NALF1: variants seen among roughly 807,000 people sequenced by gnomAD.
The protein encoded by NALF1 is NALCN channel auxiliary factor 1.
A neutral mutation model predicts 48.4 loss-of-function variants in NALF1; 3 were observed. That is an observed-to-expected ratio of 0.06 (90% CI 0.03 to 0.16). The LOEUF (loss-of-function observed/expected upper bound fraction) is 0.16, where lower values mean the gene tolerates loss of function less well. Among genes scored for constraint, NALF1 ranks in the 10% least tolerant of loss-of-function variants. The pLI is 1.00. For synonymous variants in NALF1, 262 were observed against 245.7 expected, an observed-to-expected ratio of 1.07 and a Z score of -0.62; for missense variants, 526 against 571.5, an observed-to-expected ratio of 0.92 and a Z score of 0.81.
chr13:107,447,716 G>T (rs1884673662), intron 1 of NALF1, among the ~76,000 whole-genome samples: 1 of 152,158 alleles, frequency 6.6e-6, no homozygotes, highest in African/African-American at 2.4e-5. Context: ...CTTCTGTCCA[G>T]CTAATTCCGT....
At chr13:107,406,714 T>C (rs1413298099) in intron 1 of NALF1, among the ~76,000 whole-genome samples, 1 of 151,952 alleles carries the variant, frequency 6.6e-6, no homozygotes, top group Non-Finnish European at 1.5e-5. Context: ...TATTCATTTC[T>C]ATTTTGATAG....
intron 2 of NALF1, among the ~76,000 whole-genome samples, chr13:107,205,932 G>A (rs1418229234): frequency 6.6e-6 from 1 of 152,034 alleles, no homozygotes; most frequent in Non-Finnish European, 1.5e-5. Flanking sequence ...GGAGTGTGGA[G>A]AGGGAAGCCC....
intron 1 of NALF1, among the ~76,000 whole-genome samples, chr13:107,477,705 AT>A (rs1279989153): frequency 6.6e-6 from 1 of 151,886 alleles, no homozygotes; most frequent in East Asian, 1.9e-4. Flanking sequence ...TTTTAAAATA[AT>A]TTTTAAGAGC....
At chr13:107,218,567 T>C (rs767065891) in intron 1 of NALF1, among the ~76,000 whole-genome samples, 15 of 152,066 alleles carry the variant, frequency 9.9e-5, no homozygotes, top group Non-Finnish European at 5.9e-5. Context: ...TAAGAATCCC[T>C]TTTCATATGA....
chr13:107,672,453 G>A (rs1383653312), intron 1 of NALF1, among the ~76,000 whole-genome samples: 1 of 152,064 alleles, frequency 6.6e-6, no homozygotes, highest in African/African-American at 2.4e-5. Context: ...TGAAAACACA[G>A]TCCTAATATC....
intron 1 of NALF1, among the ~76,000 whole-genome samples, chr13:107,674,873 C>A (rs1259050959): frequency 6.6e-6 from 1 of 152,082 alleles, no homozygotes; most frequent in Non-Finnish European, 1.5e-5. Context: ...CTTTTTTGCA[C>A]TCTCACTCCC....
At chr13:107,481,309 G>C (rs113235491) in intron 1 of NALF1, among the ~76,000 whole-genome samples, 1 of 152,020 alleles carries the variant, frequency 6.6e-6, no homozygotes, top group African/African-American at 2.4e-5. Context: ...CTAAAATGCC[G>C]AATAAATGAC....
intron 1 of NALF1, among the ~76,000 whole-genome samples, chr13:107,510,719 C>T (rs116193576): frequency 0.032 from 4,904 of 152,222 alleles, 133 homozygotes; most frequent in African/African-American, 0.07. Flanking sequence ...AGAACAGCAA[C>T]GCCAGACAAG....
At chr13:107,748,100 C>T (rs139992749) in intron 1 of NALF1, among the ~76,000 whole-genome samples, 177 of 152,298 alleles carry the variant, frequency 1.2e-3, no homozygotes, top group African/African-American at 4.0e-3. Context: ...GCAGCATCCT[C>T]AGTTTCCCTC....
At chr13:107,275,456 A>G (rs1486865373) in intron 1 of NALF1, among the ~76,000 whole-genome samples, 1 of 152,132 alleles carries the variant, frequency 6.6e-6, no homozygotes, top group Non-Finnish European at 1.5e-5. Flanking sequence ...CAACCTTGAG[A>G]GCCTGTATGG....
At chr13:107,176,316 G>T (rs912281611) in intron 2 of NALF1, among the ~76,000 whole-genome samples, 14 of 123,574 alleles carry the variant, frequency 1.1e-4, no homozygotes, top group East Asian at 2.3e-4. Flanking sequence ...CAACCTCACA[G>T]TTTTTTTTTT....
intron 1 of NALF1, among the ~76,000 whole-genome samples, chr13:107,346,409 G>A (rs1208826438): frequency 1.3e-5 from 2 of 152,118 alleles, no homozygotes; most frequent in Admixed American, 6.6e-5. Context: ...AAGAAAATAT[G>A]GTGTATACGC....
rs562542950 is a variant in NALF1 at position 107,250,700 on chromosome 13, C to A, written c.916-39945G>T. On this transcript the variant is annotated intron_variant, in intron 1 of 2. Transcript: ENST00000375915. ...TGGCATTAAACTCTCTCTAACTATA[C>A]CCTACTGATATGGTTTGGATTTGTG... Among the ~76,000 whole-genome samples, 220 of 151,194 alleles carry A rather than the reference C, an allele frequency of 1.5e-3. 1 individual carries two copies. Among genetic ancestry groups the A allele is most frequent in the African/African-American group, 5.0e-3 (208 of 41,500 alleles).
chr13:107,642,987 G>A (rs1012595223), intron 1 of NALF1, among the ~76,000 whole-genome samples: 1 of 152,152 alleles, frequency 6.6e-6, no homozygotes, highest in African/African-American at 2.4e-5. Context: ...AGCACATGCA[G>A]GCAGATGGCA....
chr13:107,731,354 G>A (rs553025426), intron 1 of NALF1, among the ~76,000 whole-genome samples: 1 of 152,018 alleles, frequency 6.6e-6, no homozygotes, highest in East Asian at 1.9e-4. Context: ...TTATACTTTG[G>A]GGTAATAACT....
intron 1 of NALF1, among the ~76,000 whole-genome samples, chr13:107,510,820 C>G (rs1277881738): frequency 6.6e-6 from 1 of 152,156 alleles, no homozygotes; most frequent in Non-Finnish European, 1.5e-5. Flanking sequence ...CAGAAATGGT[C>G]AAAATTCTCT....
At chr13:107,865,280 T>C (rs1880678973) in intron 1 of NALF1, among the ~76,000 whole-genome samples, 1 of 152,196 alleles carries the variant, frequency 6.6e-6, no homozygotes, top group Non-Finnish European at 1.5e-5. Flanking sequence ...AAACCACACA[T>C]GCCTGTCTCG....
intron 1 of NALF1, among the ~76,000 whole-genome samples, chr13:107,634,173 A>G (rs1011593472): frequency 4.6e-5 from 7 of 152,072 alleles, no homozygotes; most frequent in Admixed American, 2.6e-4. Flanking sequence ...GAAAAAATGT[A>G]TTTAGTGACA....
chr13:107,546,386 CCT>C (rs982633726), intron 1 of NALF1, among the ~76,000 whole-genome samples: 3 of 152,148 alleles, frequency 2.0e-5, no homozygotes, highest in East Asian at 1.9e-4. Context: ...GCCCAGAAAT[CCT>C]CTCACATGTT....
Sources: gnomAD v4.1 joint callset for allele counts (sites outside exome capture counted in the v4.1 genomes callset) on GRCh38, gnomAD v4.1.1 for gene constraint, MANE v1.5 for transcripts, NCBI Gene and HGNC (gene_info 2026-07-23, HGNC 2026-07-21) for gene names.